EXOC8: variants seen among roughly 807,000 people sequenced by gnomAD.
EXOC8 encodes the protein exocyst complex 84 kDa subunit.
Under a neutral mutation model 50.8 loss-of-function variants are expected in EXOC8, and 19 were observed. The observed-to-expected ratio is 0.37, with a 90% CI of 0.26 to 0.55. The LOEUF is 0.55. EXOC8 is among the 20% of genes least tolerant of loss of function. The probability of loss-of-function intolerance (pLI) is 0.80; values close to 1 mark genes in which losing one functional copy is unlikely to be tolerated. For synonymous variants in EXOC8, 384 were observed against 367.9 expected, an observed-to-expected ratio of 1.04 and a Z score of -0.50; for missense variants, 781 against 915.8, an observed-to-expected ratio of 0.85 and a Z score of 1.90.
In EXOC8 at chr1:231,336,583, C is replaced by T. The variant is rs748623243; in HGVS notation, c.1163G>A (p.Arg388Gln). The change falls in exon 1 of 1, where the codon CGA becomes CAA. Residue 388 changes from arginine to glutamine, a missense_variant. Arg to Gln is a conservative substitution (Grantham distance 43). This residue lies in a region of EXOC8 where 700 missense variants were observed against 804.1 expected (regional missense o/e 0.87). Transcript: ENST00000366645. This position sits in a 1 kb window ranked among gnomAD's most constrained non-coding sequence, Gnocchi z 5.4. ...ELRAKVEERVRQLTEVLVFEL... is the reference protein window; with the variant it reads ...ELRAKVEERVQQLTEVLVFEL... The stretch of plus-strand genomic sequence containing the variant: ...GAAAACTAGCACCTCAGTGAGCTGT[C>T]GAACTCGCTCCTCCACTTTGGCCCT... 2 of 1,613,998 alleles carry T rather than the reference C, an allele frequency of 1.2e-6. No homozygotes were observed. Among genetic ancestry groups the T allele is most frequent in the Admixed American group, 1.7e-5 (1 of 60,000 alleles).
In EXOC8 at chr1:231,337,794, C is replaced by T. The variant is rs755596096; in HGVS notation, c.-49G>A. 92 of 1,539,890 alleles carry T rather than the reference C, an allele frequency of 6.0e-5. No homozygotes were observed. The highest frequency in any genetic ancestry group is 7.8e-5 in the Non-Finnish European group (89 of 1,145,492). ...ACTGTCACTATCGGCGCCGCAGCCG[C>T]CGCGGCTGTCTAGACCCACCCAAGG... is the stretch of plus-strand genomic sequence containing the variant. On this transcript the variant is annotated 5_prime_UTR_variant, in exon 1 of 1. Transcript: ENST00000366645. This position sits in a 1 kb window ranked among gnomAD's most constrained non-coding sequence, Gnocchi z 5.9.
Position 231,337,414 on chromosome 1 carries a change from G to A in EXOC8, c.332C>T (p.Ala111Val), listed in dbSNP as rs777938622. 2 of 1,605,978 alleles carry A rather than the reference G, an allele frequency of 1.2e-6. No individual in the cohort carries two copies. The highest frequency in any genetic ancestry group is 3.3e-5 in the Admixed American group (2 of 59,938). ...IPLTLLPAAAAAGAAAASGGE... is the reference protein window; with the variant it reads ...IPLTLLPAAAVAGAAAASGGE... ...TCCAGAGGCGGCGGCGGCTCCGGCG[G>A]CAGCAGCGGCAGGCAGCAACGTAAG... The change falls in exon 1 of 1, where the codon GCC (alanine) becomes GTC (valine). Residue 111 changes from alanine to valine, a missense_variant. This residue lies in a region of EXOC8 where 700 missense variants were observed against 804.1 expected (regional missense o/e 0.87). Coordinates refer to ENST00000366645, the MANE Select transcript of EXOC8 (RefSeq NM_175876.5). The surrounding 1 kb of genome is among the most constrained non-coding windows in gnomAD (Gnocchi z 5.9).
rs551225342 is a variant in EXOC8, at chr1:231,334,312, A to C, written c.*1256T>G. On this transcript the variant is annotated 3_prime_UTR_variant, in exon 1 of 1. Transcript: ENST00000366645. Reference sequence around the variant, plus strand: ...TCTGCTCAGAGTGGTCATAGTGAGAACACTGAGATTTGCATATGTTTTTCT... The same window carrying C: ...TCTGCTCAGAGTGGTCATAGTGAGACCACTGAGATTTGCATATGTTTTTCT... 7 of 152,350 alleles carry C rather than the reference A, an allele frequency of 4.6e-5. No homozygotes were observed. In the East Asian group the frequency reaches 1.3e-3, roughly 29 times the overall value. 9.4% of individuals were successfully genotyped at this position (152,350 alleles called of 1,614,324 possible). A position where few individuals can be genotyped will look rare whatever the true frequency, so the allele number is the denominator to read the frequency against.
rs1446531549 is a variant in EXOC8, at chr1:231,335,629, T to C, written c.2117A>G (p.Asp706Gly). The change falls in exon 1 of 1, where the codon GAT (aspartate) becomes GGT (glycine). Residue 706 changes from aspartate (D) to glycine (G), a missense_variant. Asp to Gly is a moderately conservative substitution (Grantham distance 94, BLOSUM62 -1). Coordinates refer to ENST00000366645, the MANE Select transcript of EXOC8 (RefSeq NM_175876.5). ...AATAAGTCTAGATGCATTCCTCAGA[T>C]CTTGGAGTTGCTTGGCAGGTTTCCC... ...GVGKPAKQLQ[D>G]LRNASRLIRV... is the part of the protein sequence containing the mutation. 6.2e-7 allele frequency: 1 copy of C among 1,614,118 alleles called. No individual in the cohort carries two copies. Among genetic ancestry groups the C allele is most frequent in the Admixed American group, 1.7e-5 (1 of 60,014 alleles).
Position 231,337,809 on chromosome 1 carries a change from C to G in EXOC8, c.-64G>C. On this transcript the variant is annotated 5_prime_UTR_variant, in exon 1 of 1. Coordinates refer to ENST00000366645, the MANE Select transcript of EXOC8 (RefSeq NM_175876.5). The surrounding 1 kb of genome is among the most constrained non-coding windows in gnomAD (Gnocchi z 5.9). The stretch of plus-strand genomic sequence containing the variant: ...GCCGCAGCCGCCGCGGCTGTCTAGA[C>G]CCACCCAAGGCCAACCGAGCTCCTG... 6.6e-7 allele frequency: 1 copy of G among 1,525,418 alleles called. No homozygotes were observed. Among genetic ancestry groups the G allele is most frequent in the Non-Finnish European group, 8.8e-7 (1 of 1,138,638 alleles). The allele number at this position is 1,525,418 out of a possible 1,614,324, so 94.5% of individuals were successfully genotyped here.
At position 231,333,126 on chromosome 1, in the gene EXOC8, T is replaced by TA. The variant is rs1225117610; in HGVS notation, c.*2441dup. The TA allele has an allele frequency of 6.6e-6, 1 of 152,232 alleles. No individual in the cohort carries two copies. The highest frequency in any genetic ancestry group is 6.5e-5 in the Admixed American group (1 of 15,284). 9.4% of individuals were successfully genotyped at this position (152,232 alleles called of 1,614,324 possible). On this transcript the variant is annotated 3_prime_UTR_variant, in exon 1 of 1. Coordinates refer to ENST00000366645, the MANE Select transcript of EXOC8 (RefSeq NM_175876.5). ...GAAAAGGCAATCAATGCTTAAGTGG[T>TA]ATATTTTAGTATATATTACATTTCT... is the stretch of plus-strand genomic sequence containing the variant.
rs1466753854 is a variant in EXOC8 at position 231,333,694 on chromosome 1, G to A, written c.*1874C>T. On this transcript the variant is annotated 3_prime_UTR_variant, in exon 1 of 1. Coordinates refer to ENST00000366645, the MANE Select transcript of EXOC8 (RefSeq NM_175876.5). ...ATATCCAGTTATGGTTACAACTTTC[G>A]AAAATCCTAAAGTTATGTGAAAAAA... 6.6e-6 allele frequency: 1 copy of A among 152,470 alleles called. No individual in the cohort carries two copies. The highest frequency in any genetic ancestry group is 1.9e-4 in the East Asian group (1 of 5,192). 9.4% of individuals were successfully genotyped at this position (152,470 alleles called of 1,614,324 possible).
rs374382054 is a variant in EXOC8 at position 231,336,678 on chromosome 1, C to T, written c.1068G>A (p.Ala356=). Residue 356 remains alanine (A), a synonymous_variant, in exon 1 of 1, where the codon GCG becomes GCA. Transcript: ENST00000366645. This position sits in a 1 kb window ranked among gnomAD's most constrained non-coding sequence, Gnocchi z 5.4. ...VCIAQRDFEG[A]VDLLDKLNHY... is the part of the protein sequence containing the mutation. The stretch of plus-strand genomic sequence containing the variant: ...GGTTCAATTTATCCAGCAGGTCAAC[C>T]GCCCCTTCAAAGTCTCTCTGCGCAA... 9.3e-6 allele frequency: 15 copies of T among 1,614,170 alleles called. No individual in the cohort carries two copies. In the African/African-American group the frequency reaches 1.7e-4, roughly 19 times the overall value.
Position 231,337,791 on chromosome 1 carries a change from C to G in EXOC8, c.-46G>C, listed in dbSNP as rs751860034. The G allele has an allele frequency of 6.5e-7, 1 of 1,540,566 alleles. No homozygotes were observed. The highest frequency in any genetic ancestry group is 1.3e-5 in the South Asian group (1 of 79,424). On this transcript the variant is annotated 5_prime_UTR_variant, in exon 1 of 1. Transcript: ENST00000366645. This position sits in a 1 kb window ranked among gnomAD's most constrained non-coding sequence, Gnocchi z 5.9. ...CTCACTGTCACTATCGGCGCCGCAGCCGCCGCGGCTGTCTAGACCCACCCA... is the reference window on the plus strand; with the variant it reads ...CTCACTGTCACTATCGGCGCCGCAGGCGCCGCGGCTGTCTAGACCCACCCA...
At position 231,337,270 on chromosome 1, in the gene EXOC8, T is replaced by C; in HGVS notation, c.476A>G (p.Gln159Arg). 3 of 1,608,822 alleles carry C rather than the reference T, an allele frequency of 1.9e-6. No individual in the cohort carries two copies. Among genetic ancestry groups the C allele is most frequent in the Non-Finnish European group, 2.5e-6 (3 of 1,179,982 alleles). ...CTCAAGCAGGGTGGTGAGAGTGCGC[T>C]GCTTTCCTTCCTCGCCTGGACCGGA... Reference protein sequence around the residue: ...DGSGPGEEGKQRTLTTLLEKV... With the variant: ...DGSGPGEEGKRRTLTTLLEKV... The change falls in exon 1 of 1, where the codon CAG becomes CGG. Residue 159 changes from glutamine (Q) to arginine (R), a missense_variant. Physicochemically the swap from Gln to Arg is conservative, Grantham distance 43. Transcript: ENST00000366645. The surrounding 1 kb of genome is among the most constrained non-coding windows in gnomAD (Gnocchi z 5.9).
rs1479854752 is a variant in EXOC8, at chr1:231,337,441, G to A, written c.305C>T (p.Pro102Leu). The stretch of plus-strand genomic sequence containing the variant: ...AGCAGCGGCAGGCAGCAACGTAAGC[G>A]GGATGCTCTCCAGGCTGCTTTTCTG... ...TEQKSSLESI[P>L]LTLLPAAAAA... Residue 102 changes from proline to leucine, a missense_variant, in exon 1 of 1, where the codon CCG becomes CTG. Coordinates refer to ENST00000366645, the MANE Select transcript of EXOC8 (RefSeq NM_175876.5). This position sits in a 1 kb window ranked among gnomAD's most constrained non-coding sequence, Gnocchi z 5.9. The A allele has an allele frequency of 2.5e-6, 4 of 1,610,556 alleles. No individual in the cohort carries two copies. Among genetic ancestry groups the A allele is most frequent in the East Asian group, 2.2e-5 (1 of 44,874 alleles).
rs1263294303 is a variant in EXOC8 at position 231,333,255 on chromosome 1, T to A, written c.*2313A>T. 1 of 152,206 alleles carries A rather than the reference T, an allele frequency of 6.6e-6. No homozygotes were observed. The highest frequency in any genetic ancestry group is 1.5e-5 in the Non-Finnish European group (1 of 68,038). The allele number at this position is 152,206 out of a possible 1,614,324, so 9.4% of individuals were successfully genotyped here. On this transcript the variant is annotated 3_prime_UTR_variant, in exon 1 of 1. Coordinates refer to ENST00000366645, the MANE Select transcript of EXOC8 (RefSeq NM_175876.5). ...TGCCACTTTGAGGAATGTAACATAA[T>A]TGTTTTGTCTGGGTACAAAGGTACG...
Position 231,335,311 on chromosome 1 carries a change from A to C in EXOC8, c.*257T>G, listed in dbSNP as rs112090570. On this transcript the variant is annotated 3_prime_UTR_variant, in exon 1 of 1. Transcript: ENST00000366645. Reference sequence around the variant, plus strand: ...AAATGCTATAGTATATAGTGTGACCATAATTTCAGAAGAAGAGAATTAGCA... The same window carrying C: ...AAATGCTATAGTATATAGTGTGACCCTAATTTCAGAAGAAGAGAATTAGCA... The C allele has an allele frequency of 3.6e-6, 1 of 278,416 alleles. No individual in the cohort carries two copies. Among genetic ancestry groups the C allele is most frequent in the Non-Finnish European group, 6.6e-6 (1 of 152,372 alleles). The allele number at this position is 278,416 out of a possible 1,614,324, so 17.2% of individuals were successfully genotyped here.
chr1:231,336,306 G>A lies in EXOC8; in HGVS notation c.1440C>T (p.Gly480=). ...AGGCAGAGTAGCAGCCGCTGTCAGT[G>A]CCTGCAAAATCGATCTCAAATTCTC... The part of the protein sequence containing the change: ...TAREFEIDFA[G]TDSGCYSAFV... The change falls in exon 1 of 1, where the codon GGC becomes GGT. Residue 480 remains glycine, a synonymous_variant. Coordinates refer to ENST00000366645, the MANE Select transcript of EXOC8 (RefSeq NM_175876.5). This position sits in a 1 kb window ranked among gnomAD's most constrained non-coding sequence, Gnocchi z 5.4. 1 of 1,614,072 alleles carries A rather than the reference G, an allele frequency of 6.2e-7. No homozygotes were observed. The highest frequency in any genetic ancestry group is 1.1e-5 in the South Asian group (1 of 91,080).
In EXOC8 at chr1:231,337,134, G is replaced by A. The variant is rs535263355; in HGVS notation, c.612C>T (p.His204=). The stretch of plus-strand genomic sequence containing the variant: ...ACAAGCAATCGTTCATGAGAAAGCC[G>A]TGCACCCGCTGCAGTTGGGCCATGT... ...ADHMAQLQRV[H]GFLMNDCLLV... Residue 204 remains histidine, a synonymous_variant, in exon 1 of 1, where the codon CAC becomes CAT. Coordinates refer to ENST00000366645, the MANE Select transcript of EXOC8 (RefSeq NM_175876.5). The surrounding 1 kb of genome is among the most constrained non-coding windows in gnomAD (Gnocchi z 5.9). 1 of 1,614,156 alleles carries A rather than the reference G, an allele frequency of 6.2e-7. No homozygotes were observed. Among genetic ancestry groups the A allele is most frequent in the South Asian group, 1.1e-5 (1 of 91,088 alleles).
chr1:231,337,141 C>A lies in EXOC8; in HGVS notation c.605G>T (p.Arg202Leu). 1.2e-6 allele frequency: 2 copies of A among 1,614,124 alleles called. No homozygotes were observed. Among genetic ancestry groups the A allele is most frequent in the South Asian group, 2.2e-5 (2 of 91,086 alleles). Reference sequence around the variant, plus strand: ...ATCGTTCATGAGAAAGCCGTGCACCCGCTGCAGTTGGGCCATGTGGTCCGC... The same window carrying A: ...ATCGTTCATGAGAAAGCCGTGCACCAGCTGCAGTTGGGCCATGTGGTCCGC... ...YDADHMAQLQ[R>L]VHGFLMNDCL... Residue 202 changes from arginine (R) to leucine (L), a missense_variant, in exon 1 of 1, where the codon CGG (arginine) becomes CTG (leucine). Around this residue, in one of 3 missense-constraint regions of EXOC8, gnomAD observed 700 missense variants for 804.1 expected, o/e 0.87. Transcript: ENST00000366645. This position sits in a 1 kb window ranked among gnomAD's most constrained non-coding sequence, Gnocchi z 5.9.
rs773616114 is a variant in EXOC8, at chr1:231,333,280, G to A, written c.*2288C>T. The stretch of plus-strand genomic sequence containing the variant: ...TTGTTTTGTCTGGGTACAAAGGTAC[G>A]TTACAACACTGGGGGTCTTTAGTCA... On this transcript the variant is annotated 3_prime_UTR_variant, in exon 1 of 1. Coordinates refer to ENST00000366645, the MANE Select transcript of EXOC8 (RefSeq NM_175876.5). 1 of 152,170 alleles carries A rather than the reference G, an allele frequency of 6.6e-6. No individual in the cohort carries two copies. Among genetic ancestry groups the A allele is most frequent in the African/African-American group, 2.4e-5 (1 of 41,448 alleles). The allele number at this position is 152,170 out of a possible 1,614,324, so 9.4% of individuals were successfully genotyped here.
Position 231,336,385 on chromosome 1 carries a change from A to G in EXOC8, c.1361T>C (p.Leu454Pro). The change falls in exon 1 of 1, where the codon CTC becomes CCC. Residue 454 changes from leucine (L) to proline (P), a missense_variant. Physicochemically the swap from Leu to Pro is moderately conservative, Grantham distance 98. This residue lies in a region of EXOC8 where 700 missense variants were observed against 804.1 expected (regional missense o/e 0.87). Coordinates refer to ENST00000366645, the MANE Select transcript of EXOC8 (RefSeq NM_175876.5). This position sits in a 1 kb window ranked among gnomAD's most constrained non-coding sequence, Gnocchi z 5.4. ...RQLRIEGATL[L>P]YIHKLCHVFF... ...GACATGGCACAGCTTATGAATATAG[A>G]GTAAAGTGGCACCTTCGATGCGAAG... 6.2e-7 allele frequency: 1 copy of G among 1,614,054 alleles called. No homozygotes were observed. Among genetic ancestry groups the G allele is most frequent in the Non-Finnish European group, 8.5e-7 (1 of 1,180,036 alleles).
Position 231,337,587 on chromosome 1 carries a change from C to A in EXOC8, c.159G>T (p.Glu53Asp), listed in dbSNP as rs375014825. The change falls in exon 1 of 1, where the codon GAG becomes GAT. Residue 53 changes from glutamate (E) to aspartate (D), a missense_variant. By Grantham distance (45) the Glu-to-Asp change is conservative. Coordinates refer to ENST00000366645, the MANE Select transcript of EXOC8 (RefSeq NM_175876.5). The surrounding 1 kb of genome is among the most constrained non-coding windows in gnomAD (Gnocchi z 5.9). ...TGCGCTTCAGGTTCTGCGCCGTCTC[C>A]TCCGCCAGCGCCTGGATGCGCTGCC... ...EHRQRIQALAEETAQNLKRNV... is the reference protein window; with the variant it reads ...EHRQRIQALADETAQNLKRNV... The A allele has an allele frequency of 2.5e-6, 4 of 1,612,444 alleles. No homozygotes were observed. The highest frequency in any genetic ancestry group is 2.5e-6 in the Non-Finnish European group (3 of 1,179,992).
Sources: gnomAD v4.1 joint callset for allele counts on GRCh38, gnomAD v4.1.1 for gene constraint, gnomAD v4.1.1 regional missense constraint, Gnocchi (gnomAD v3.1) non-coding constraint, MANE v1.5 for transcripts, NCBI Gene and HGNC (gene_info 2026-07-23, HGNC 2026-07-21) for gene names.